The following CAGE1 variants were observed in gnomAD, a reference collection of about 807,000 sequenced individuals.
CAGE1 encodes cancer antigen 1.
A neutral mutation model predicts 94.9 loss-of-function variants in CAGE1; 66 were observed. The ratio of observed to expected loss-of-function variants is 0.70; its 90% CI spans 0.57 to 0.85. The LOEUF is 0.85. Among genes scored for constraint, CAGE1 ranks in the 40% least tolerant of loss-of-function variants. CAGE1 has a pLI of 0.00. For missense variants in CAGE1, 865 were observed against 950.4 expected (o/e 0.91, Z 1.18); for synonymous variants, 319 against 321.0 (o/e 0.99, Z 0.07).
intron 13 of CAGE1, among the ~76,000 whole-genome samples, chr6:7,327,440 GC>G (rs1758576783): frequency 6.6e-6 from 1 of 151,998 alleles, no homozygotes; most frequent in Non-Finnish European, 1.5e-5. Flanking sequence ...ACCACACCTG[GC>G]CCCCAACACT....
At chr6:7,351,076 A>G (rs1414007927) in intron 11 of CAGE1, among the ~76,000 whole-genome samples, 1 of 152,204 alleles carries the variant, frequency 6.6e-6, no homozygotes, top group East Asian at 1.9e-4. Context: ...AGAAAAGGAG[A>G]GAAAATCTAA....
chr6:7,385,761 T>C (rs573059728), intron 3 of CAGE1, 24 bp downstream of exon 3: 8 of 1,427,064 alleles, frequency 5.6e-6, no homozygotes, highest in African/African-American at 1.5e-5. Context: ...CTCTTTTGCA[T>C]ATTGCTAACA....
intron 1 of CAGE1, among the ~76,000 whole-genome samples, chr6:7,388,393 C>T (rs1032706549): frequency 1.3e-5 from 2 of 152,242 alleles, no homozygotes; most frequent in African/African-American, 4.8e-5. Context: ...ACAATGTCTT[C>T]AGTCTCTAAA....
At position 7,339,160 on chromosome 6, in the gene CAGE1, C is replaced by A; in HGVS notation, c.2370-5070G>T. 5 of 1,519,068 alleles carry A rather than the reference C, an allele frequency of 3.3e-6. No individual in the cohort carries two copies. The highest frequency in any genetic ancestry group is 3.7e-6 in the Non-Finnish European group (4 of 1,094,816). The allele number at this position is 1,519,068 out of a possible 1,614,324, so 94.1% of individuals were successfully genotyped here. ...TGTCCTCAGAGTTTCCCAGACACCA[C>A]GACCTCACAGCCTTTGGCCCCAGTT... On this transcript the variant is annotated intron_variant, in intron 11 of 13. Transcript: ENST00000502583. The surrounding 1 kb of genome is among the most constrained non-coding windows in gnomAD (Gnocchi z 4.7).
At chr6:7,343,040 T>A (rs1759246147) in intron 11 of CAGE1, among the ~76,000 whole-genome samples, 1 of 151,778 alleles carries the variant, frequency 6.6e-6, no homozygotes. Context: ...TACAAAAAAA[T>A]TAGCCAGGTG....
Position 7,373,114 on chromosome 6 carries a change from T to G in CAGE1, c.1705A>C (p.Lys569Gln). The change falls in exon 5 of 14, where the codon AAG (lysine) becomes CAG (glutamine). Residue 569 changes from lysine (K) to glutamine (Q), a missense_variant. By Grantham distance (53) the Lys-to-Gln change is moderately conservative. Transcript: ENST00000502583. ...TTCAAGACTTCCTCTAATTGATCCT[T>G]TAACTGAGCTGTCTCAAATTTAGGG... ...YVPKFETAQLKDQLEEVLKSD... is the reference protein window; with the variant it reads ...YVPKFETAQLQDQLEEVLKSD... 1 of 1,612,112 alleles carries G rather than the reference T, an allele frequency of 6.2e-7. No homozygotes were observed. The highest frequency in any genetic ancestry group is 8.5e-7 in the Non-Finnish European group (1 of 1,179,262).
intron 11 of CAGE1, chr6:7,338,739 C>A: frequency 1.5e-6 from 1 of 681,798 alleles, no homozygotes; most frequent in Non-Finnish European, 2.6e-6. Flanking sequence ...CCAAAGTCCA[C>A]TGTATCATTC....
At chr6:7,380,636 CA>C (rs34895462) in intron 3 of CAGE1, among the ~76,000 whole-genome samples, 2,284 of 129,186 alleles carry the variant, frequency 0.018, 31 homozygotes, top group East Asian at 0.091. Context: ...GACTCCATCT[CA>C]AAAAAAAAAA....
chr6:7,355,932 G>T, intron 10 of CAGE1, 93 bp downstream of exon 10: 1 of 680,226 alleles, frequency 1.5e-6, no homozygotes, highest in Non-Finnish European at 2.5e-6. Context: ...TGAGCCCAGG[G>T]GATTGAGGCT....
In CAGE1 at chr6:7,373,522, T is replaced by C; in HGVS notation, c.1297A>G (p.Lys433Glu). ...RYMTEMQQKN[K>E]SVSQYLEMDK... The stretch of plus-strand genomic sequence containing the variant: ...ATCTCTAAATACTGACTTACAGATT[T>C]ATTTTTTTGTTGCATTTCAGTCATG... The change falls in exon 5 of 14, where the codon AAA becomes GAA. Residue 433 changes from lysine (K) to glutamate (E), a missense_variant. Transcript: ENST00000502583. 2 of 1,613,814 alleles carry C rather than the reference T, an allele frequency of 1.2e-6. No individual in the cohort carries two copies. The highest frequency in any genetic ancestry group is 2.2e-5 in the South Asian group (2 of 91,068).
intron 11 of CAGE1, among the ~76,000 whole-genome samples, chr6:7,353,163 CAGAATCTATA>C (rs1759842073): frequency 6.6e-6 from 1 of 152,070 alleles, no homozygotes. Context: ...GACAAATATC[CAGAATCTATA>C]AGGAACTCAA....
intron 11 of CAGE1, among the ~76,000 whole-genome samples, chr6:7,354,474 G>A (rs1051007841): frequency 1.3e-5 from 2 of 152,074 alleles, no homozygotes; most frequent in Admixed American, 6.6e-5. Flanking sequence ...TTTTGGGGGC[G>A]CTGTCTCTAT....
At chr6:7,384,470 A>C (rs1761045431) in intron 3 of CAGE1, among the ~76,000 whole-genome samples, 2 of 152,294 alleles carry the variant, frequency 1.3e-5, no homozygotes, top group African/African-American at 4.8e-5. Flanking sequence ...ACTTTAATAA[A>C]CATGATCAGT....
chr6:7,379,775 T>G (rs1430279479), intron 3 of CAGE1, among the ~76,000 whole-genome samples: 1 of 152,180 alleles, frequency 6.6e-6, no homozygotes, highest in Non-Finnish European at 1.5e-5. Flanking sequence ...CAACATAATC[T>G]TGCCAAAGAA....
In CAGE1 at chr6:7,355,091, G is replaced by T. The variant is rs1759905706; in HGVS notation, c.2319C>A (p.Ile773=). 4 of 1,606,948 alleles carry T rather than the reference G, an allele frequency of 2.5e-6. No individual in the cohort carries two copies. The highest frequency in any genetic ancestry group is 3.4e-6 in the Non-Finnish European group (4 of 1,176,000). ...LIKKVTSYEE[I]IECADQRLAI... is the part of the protein sequence containing the mutation. ...CAAGCCTTTGGTCAGCACATTCAAT[G>T]ATTTCTTCATATGATGTAACCTTGA... The change falls in exon 11 of 14, where the codon ATC becomes ATA. Residue 773 remains isoleucine, a synonymous_variant. Coordinates refer to ENST00000502583, the MANE Select transcript of CAGE1 (RefSeq NM_001170692.2).
intron 12 of CAGE1, among the ~76,000 whole-genome samples, chr6:7,332,346 TCTC>T (rs1406759595): frequency 2.6e-5 from 4 of 152,112 alleles, no homozygotes; most frequent in African/African-American, 9.7e-5. Context: ...CGGAGGCATT[TCTC>T]CTCTGGGTGA....
chr6:7,337,196 G>A (rs144433801), intron 11 of CAGE1, among the ~76,000 whole-genome samples: 118 of 152,030 alleles, frequency 7.8e-4, no homozygotes, highest in Middle Eastern at 3.4e-3. Flanking sequence ...GTGTGGTGGC[G>A]TGCACCTGTA....
At position 7,369,072 on chromosome 6, in the gene CAGE1, G is replaced by A. The variant is rs181241819; in HGVS notation, c.1894-274C>T. Among the ~76,000 whole-genome samples the A allele has an allele frequency of 1.0e-3, 155 of 149,764 alleles. 1 individual carries two copies. Among genetic ancestry groups the A allele is most frequent in the African/African-American group, 3.7e-3 (150 of 40,672 alleles). On this transcript the variant is annotated intron_variant, in intron 6 of 13. Transcript: ENST00000502583. ...CACCTAGGCTGGAGTGCAGTGGCGCGATCTCTGCTCACTGCAACCTCTCCC... is the reference window on the plus strand; with the variant it reads ...CACCTAGGCTGGAGTGCAGTGGCGCAATCTCTGCTCACTGCAACCTCTCCC...
chr6:7,373,681 T>C lies in CAGE1; in HGVS notation c.1138A>G (p.Lys380Glu). Residue 380 changes from lysine (K) to glutamate (E), a missense_variant, in exon 5 of 14, where the codon AAG becomes GAG. Coordinates refer to ENST00000502583, the MANE Select transcript of CAGE1 (RefSeq NM_001170692.2). ...ACCTCTTCCAAATTCTGCAATGTCT[T>C]TTTAGTATCATTCTTCTCTAGGATT... is the stretch of plus-strand genomic sequence containing the variant. Reference protein sequence around the residue: ...KIILEKNDTKKTLQNLEEVLA... With the variant: ...KIILEKNDTKETLQNLEEVLA... 1.2e-6 allele frequency: 2 copies of C among 1,613,232 alleles called. No homozygotes were observed. Among genetic ancestry groups the C allele is most frequent in the Non-Finnish European group, 1.7e-6 (2 of 1,179,436 alleles).
Sources: allele counts gnomAD v4.1 joint callset (sites outside exome capture counted in the v4.1 genomes callset), GRCh38; gene constraint gnomAD v4.1.1; non-coding constraint Gnocchi (gnomAD v3.1); transcripts MANE v1.5; gene names NCBI Gene and HGNC (gene_info 2026-07-23, HGNC 2026-07-21).